COL11A1: variants seen among roughly 807,000 people sequenced by gnomAD.
COL11A1 encodes the protein collagen type XI alpha 1 chain.
A neutral mutation model predicts 265.2 loss-of-function variants in COL11A1; 74 were observed. The observed-to-expected ratio is 0.28, with a 90% CI of 0.23 to 0.34. COL11A1 has a LOEUF of 0.34. COL11A1 is among the 10% of genes least tolerant of loss of function. The probability of loss-of-function intolerance (pLI) is 1.00; values close to 1 mark genes in which losing one functional copy is unlikely to be tolerated. For missense variants in COL11A1, 2,165 were observed against 2,263.6 expected, an observed-to-expected ratio of 0.96 and a Z score of 0.88; for synonymous variants, 816 against 727.6, an observed-to-expected ratio of 1.12 and a Z score of -1.96.
intron 6 of COL11A1, chr1:103,025,876 G>C: frequency 6.2e-7 from 1 of 1,613,034 alleles, no homozygotes; most frequent in South Asian, 1.1e-5. Flanking sequence ...AGATTTGGGG[G>C]GTGTAAACTT....
intron 49 of COL11A1, among the ~76,000 whole-genome samples, chr1:102,920,013 T>C (rs1655791820): frequency 6.6e-6 from 1 of 152,034 alleles, no homozygotes. Context: ...ATTACAGGAA[T>C]CCTCTAGGGC....
chr1:102,955,790 A>C (rs1660315765), intron 41 of COL11A1, among the ~76,000 whole-genome samples: 1 of 152,140 alleles, frequency 6.6e-6, no homozygotes. Context: ...ACATTTACTC[A>C]GTTTATATTC....
At chr1:102,905,088 C>T (rs1465069687) in intron 54 of COL11A1, among the ~76,000 whole-genome samples, 1 of 151,144 alleles carries the variant, frequency 6.6e-6, no homozygotes, top group East Asian at 2.0e-4. Context: ...ATGGATGAAA[C>T]TGGAAACCAT....
At position 102,914,301 on chromosome 1, in the gene COL11A1, A is replaced by G. The variant is rs371582057; in HGVS notation, c.3978+51T>C. 312 of 1,401,800 alleles carry G rather than the reference A, an allele frequency of 2.2e-4. 3 individuals carry two copies. The highest frequency in any genetic ancestry group is 1.7e-4 in the Middle Eastern group (1 of 5,716). The allele number at this position is 1,401,800 out of a possible 1,614,324, so 86.8% of individuals were successfully genotyped here. ...TTTTTTCTTTATTAACAATACAGAAATTGGAAACATTCACTCCAAAATAAT... is the reference window on the plus strand; with the variant it reads ...TTTTTTCTTTATTAACAATACAGAAGTTGGAAACATTCACTCCAAAATAAT... On this transcript the variant is annotated intron_variant, in intron 52 of 66. Transcript: ENST00000370096.
At position 103,002,451 on chromosome 1, in the gene COL11A1, G is replaced by C. The variant is rs761316669; in HGVS notation, c.2074C>G (p.Gln692Glu). Residue 692 changes from glutamine to glutamate, a missense_variant, in exon 23 of 67, where the codon CAA becomes GAA. By Grantham distance (29) the Gln-to-Glu change is conservative. Transcript: ENST00000370096. ...ACCTGAGGTCCTGGATTCCCTTGTT[G>C]ACCTGGAGGCCCAGGCTCCCCTTGG... ...GPQGEPGPPG[Q>E]QGNPGPQGLP... The C allele has an allele frequency of 6.2e-7, 1 of 1,609,958 alleles. No homozygotes were observed. Among genetic ancestry groups the C allele is most frequent in the African/African-American group, 1.3e-5 (1 of 74,832 alleles).
intron 24 of COL11A1, 51 bp from the exon 25 acceptor site, chr1:102,998,414 T>C: frequency 7.3e-7 from 1 of 1,363,786 alleles, no homozygotes; most frequent in Non-Finnish European, 1.0e-6. Flanking sequence ...TTTAAAAAGC[T>C]TTAACGTGTA....
chr1:102,884,106 A>T (rs1650631979), intron 63 of COL11A1, among the ~76,000 whole-genome samples: 1 of 152,022 alleles, frequency 6.6e-6, no homozygotes, highest in South Asian at 2.1e-4. Flanking sequence ...TTCTGTTGGG[A>T]CTCAGAAAAT....
intron 37 of COL11A1, among the ~76,000 whole-genome samples, chr1:102,967,783 T>G (rs1183862872): frequency 6.6e-6 from 1 of 152,188 alleles, no homozygotes; most frequent in Non-Finnish European, 1.5e-5. Flanking sequence ...ATTCCAAACT[T>G]TTTAAAAAAG....
At chr1:102,878,502 A>ATT (rs1553191061) in intron 66 of COL11A1, among the ~76,000 whole-genome samples, 5 of 126,704 alleles carry the variant, frequency 3.9e-5, no homozygotes, top group African/African-American at 1.6e-4. Context: ...ATATATATAT[A>ATT]TTCTTTTTCT....
chr1:103,051,071 C>T (rs2102132797), intron 4 of COL11A1, among the ~76,000 whole-genome samples: 1 of 152,374 alleles, frequency 6.6e-6, no homozygotes, highest in South Asian at 2.1e-4. Context: ...AGGAGGCAGT[C>T]TGCCCATTCT....
At chr1:103,047,781 AT>A (rs1669425908) in intron 4 of COL11A1, among the ~76,000 whole-genome samples, 1 of 152,190 alleles carries the variant, frequency 6.6e-6, no homozygotes, top group Admixed American at 6.5e-5. Context: ...TGACCCATCA[AT>A]ACCTAATTTA....
At chr1:103,043,025 G>T (rs1384931742) in intron 4 of COL11A1, among the ~76,000 whole-genome samples, 1 of 139,244 alleles carries the variant, frequency 7.2e-6, no homozygotes, top group Non-Finnish European at 1.5e-5. Flanking sequence ...AAATATATAT[G>T]ATATATATTA....
At chr1:103,092,156 A>G (rs1392716897) in intron 1 of COL11A1, among the ~76,000 whole-genome samples, 1 of 152,100 alleles carries the variant, frequency 6.6e-6, no homozygotes, top group East Asian at 1.9e-4. Flanking sequence ...GCCTATTTAT[A>G]ATTCTAACCT....
At chr1:103,035,473 C>T (rs35979991) in intron 4 of COL11A1, among the ~76,000 whole-genome samples, 12,309 of 151,974 alleles carry the variant, frequency 0.081, 557 homozygotes, top group Middle Eastern at 0.16. Flanking sequence ...TTCATCTTCA[C>T]GATAAATTTT....
intron 4 of COL11A1, among the ~76,000 whole-genome samples, chr1:103,037,639 T>A (rs1668480708): frequency 6.6e-6 from 1 of 152,196 alleles, no homozygotes; most frequent in African/African-American, 2.4e-5. Flanking sequence ...TTAATGCAGA[T>A]GTTGAATCAG....
At chr1:103,017,264 T>A (rs77729494) in intron 11 of COL11A1, among the ~76,000 whole-genome samples, 1 of 152,168 alleles carries the variant, frequency 6.6e-6, no homozygotes, top group East Asian at 1.9e-4. Context: ...ATTATTTAAA[T>A]TGTAATTATA....
chr1:103,058,732 GCAGTCAGAA>G (rs1670426987), intron 4 of COL11A1, among the ~76,000 whole-genome samples: 1 of 152,104 alleles, frequency 6.6e-6, no homozygotes, highest in Non-Finnish European at 1.5e-5. Context: ...AGCCAGTTGA[GCAGTCAGAA>G]CACACAAAAC....
chr1:103,097,467 A>G (rs1001091073), intron 1 of COL11A1, among the ~76,000 whole-genome samples: 1 of 151,232 alleles, frequency 6.6e-6, no homozygotes, highest in Non-Finnish European at 1.5e-5. Context: ...TTCTCAGGGA[A>G]GTTTTCTTCG....
At chr1:102,953,206 A>G (rs1036752874) in intron 41 of COL11A1, among the ~76,000 whole-genome samples, 1 of 152,230 alleles carries the variant, frequency 6.6e-6, no homozygotes, top group Non-Finnish European at 1.5e-5. Context: ...AAGCATAGGT[A>G]AAATAGATAA....
Sources: gnomAD v4.1 joint callset for allele counts (sites outside exome capture counted in the v4.1 genomes callset) on GRCh38, gnomAD v4.1.1 for gene constraint, MANE v1.5 for transcripts, NCBI Gene and HGNC (gene_info 2026-07-23, HGNC 2026-07-21) for gene names.